KRIT1: variants seen among roughly 807,000 people sequenced by gnomAD.
KRIT1 encodes the protein krev interaction trapped protein 1.
Under a neutral mutation model 95.8 loss-of-function variants are expected in KRIT1, and 45 were observed. The ratio of observed to expected loss-of-function variants is 0.47; its 90% CI spans 0.37 to 0.60. KRIT1 has a LOEUF of 0.60. KRIT1 is among the 20% of genes least tolerant of loss of function. The pLI, the probability that KRIT1 is intolerant of heterozygous loss-of-function variation, is 0.00. For synonymous variants in KRIT1, 282 were observed against 278.8 expected, an observed-to-expected ratio of 1.01 and a Z score of -0.11; for missense variants, 788 against 877.5, an observed-to-expected ratio of 0.90 and a Z score of 1.29.
chr7:92,233,954 A>T (rs1219131354), intron 10 of KRIT1, among the ~76,000 whole-genome samples: 1 of 152,196 alleles, frequency 6.6e-6, no homozygotes, highest in African/African-American at 2.4e-5. Flanking sequence ...CAACACTAGT[A>T]TCTAACATAA....
intron 10 of KRIT1, among the ~76,000 whole-genome samples, chr7:92,227,586 G>A (rs1405883833): frequency 6.6e-6 from 1 of 152,104 alleles, no homozygotes; most frequent in Non-Finnish European, 1.5e-5. Flanking sequence ...CCAGGCTGGA[G>A]TGCAGTGGTG....
At position 92,218,206 on chromosome 7, in the gene KRIT1, C is replaced by T. The variant is rs566485437; in HGVS notation, c.1564-3429G>A. On this transcript the variant is annotated intron_variant, in intron 14 of 18. Coordinates refer to ENST00000394505, the MANE Select transcript of KRIT1 (RefSeq NM_194454.3). ...AGCTAGAACCACAGGTGTGTGCCAC[C>T]ACGCCAGGCTATTAAAAAAAAACAA... is the stretch of plus-strand genomic sequence containing the variant. Among the ~76,000 whole-genome samples the T allele has an allele frequency of 2.6e-5, 4 of 151,966 alleles. No homozygotes were observed. The East Asian group carries it at 7.7e-4, about 29-fold the overall frequency.
At chr7:92,222,401 T>C (rs1795314526) in intron 13 of KRIT1, among the ~76,000 whole-genome samples, 3 of 152,196 alleles carry the variant, frequency 2.0e-5, no homozygotes, top group East Asian at 1.9e-4. Flanking sequence ...TCTTTATGTA[T>C]GTGTAATACT....
At position 92,201,300 on chromosome 7, in the gene KRIT1, T is replaced by C. The variant is rs778346235; in HGVS notation, c.2142+7A>G. On this transcript the variant is annotated splice_region_variant and intron_variant, in intron 18 of 18. Transcript: ENST00000394505. ...AGTTTATGAAGTCCAAAATAAATGA[T>C]ACTTACCTGTTTTGTATGTACTATA... The C allele has an allele frequency of 2.5e-6, 3 of 1,220,718 alleles. No homozygotes were observed. The highest frequency in any genetic ancestry group is 3.0e-5 in the African/African-American group (2 of 67,194). The allele number at this position is 1,220,718 out of a possible 1,614,324, so 75.6% of individuals were successfully genotyped here. A position where few individuals can be genotyped will look rare whatever the true frequency, so the allele number is the denominator to read the frequency against.
At position 92,234,911 on chromosome 7, in the gene KRIT1, C is replaced by A. The variant is rs1447096385; in HGVS notation, c.742G>T (p.Val248Leu). The change falls in exon 9 of 19, where the codon GTA becomes TTA. Residue 248 changes from valine to leucine, a missense_variant. Physicochemically the swap from Val to Leu is conservative, Grantham distance 32. This residue lies in a region of KRIT1 where 493 missense variants were observed against 582.3 expected (regional missense o/e 0.85). Transcript: ENST00000394505. ...LQYTNRVDKV[V>L]INPYFGLGAP... is the part of the protein sequence containing the mutation. The stretch of plus-strand genomic sequence containing the variant: ...CCTAGACCAAAGTATGGATTTATTA[C>A]CACTTTATCTACCTAGAAAGGGAAA... The A allele has an allele frequency of 1.3e-6, 2 of 1,486,348 alleles. No homozygotes were observed. The highest frequency in any genetic ancestry group is 1.4e-5 in the African/African-American group (1 of 72,302). The allele number at this position is 1,486,348 out of a possible 1,614,324, so 92.1% of individuals were successfully genotyped here.
At chr7:92,242,899 C>T (rs1218462758) in intron 3 of KRIT1, among the ~76,000 whole-genome samples, 5 of 152,156 alleles carry the variant, frequency 3.3e-5, no homozygotes, top group Admixed American at 6.5e-5. Context: ...ATGCAACCCT[C>T]GCCTCCCGGG....
intron 10 of KRIT1, among the ~76,000 whole-genome samples, chr7:92,231,167 G>A (rs1797207773): frequency 6.6e-6 from 1 of 152,136 alleles, no homozygotes; most frequent in African/African-American, 2.4e-5. Context: ...ATGTCAGTGA[G>A]ACATTTACTG....
At chr7:92,238,619 C>A (rs1285815161) in intron 5 of KRIT1, among the ~76,000 whole-genome samples, 1 of 152,190 alleles carries the variant, frequency 6.6e-6, no homozygotes, top group Non-Finnish European at 1.5e-5. Context: ...GGCACTATTT[C>A]TTTTGTCTGG....
At chr7:92,210,728 C>G (rs541934428) in intron 17 of KRIT1, among the ~76,000 whole-genome samples, 5 of 152,168 alleles carry the variant, frequency 3.3e-5, no homozygotes, top group Non-Finnish European at 7.3e-5. Flanking sequence ...ACGTAACAAT[C>G]GACAGAGTGA....
intron 10 of KRIT1, among the ~76,000 whole-genome samples, chr7:92,233,409 CTTT>C (rs35291071): frequency 2.1e-5 from 3 of 140,174 alleles, no homozygotes; most frequent in Non-Finnish European, 4.6e-5. Context: ...TAATGTGGTA[CTTT>C]TTTTTTTTTT....
At chr7:92,234,049 A>G (rs112640327) in intron 10 of KRIT1, among the ~76,000 whole-genome samples, 2,125 of 152,360 alleles carry the variant, frequency 0.014, 27 homozygotes, top group Non-Finnish European at 0.022. Flanking sequence ...TTTTATAGCA[A>G]GACGCAAGGT....
intron 11 of KRIT1, among the ~76,000 whole-genome samples, chr7:92,226,120 C>T (rs1177958463): frequency 1.3e-5 from 2 of 151,768 alleles, no homozygotes; most frequent in African/African-American, 4.8e-5. Flanking sequence ...TTATGAATTT[C>T]CTTTATGAAA....
Position 92,222,061 on chromosome 7 carries a change from AC to A in KRIT1, c.1412-9del, listed in dbSNP as rs1795253059. ...ATGGTTTGAGTTGAAGGCCTGAAAA[AC>A]ATCATTCCTTTTATAAATGATAATG... On this transcript the variant is annotated splice_polypyrimidine_tract_variant and intron_variant, in intron 13 of 18. Transcript: ENST00000394505. The A allele has an allele frequency of 6.2e-7, 1 of 1,608,562 alleles. No individual in the cohort carries two copies. Among genetic ancestry groups the A allele is most frequent in the African/African-American group, 1.3e-5 (1 of 74,802 alleles).
intron 17 of KRIT1, among the ~76,000 whole-genome samples, chr7:92,212,642 C>G (rs552813514): frequency 1.3e-5 from 2 of 152,192 alleles, no homozygotes; most frequent in Non-Finnish European, 2.9e-5. Flanking sequence ...CCCGCTAGCA[C>G]GCTGATCTCA....
rs1333399153 is a variant in KRIT1, at chr7:92,213,348, C to T, written c.1872G>A (p.Met624Ile). The T allele has an allele frequency of 6.2e-7, 1 of 1,613,718 alleles. No homozygotes were observed. The highest frequency in any genetic ancestry group is 1.7e-5 in the Admixed American group (1 of 60,008). The change falls in exon 17 of 19, where the codon ATG becomes ATA. Residue 624 changes from methionine (M) to isoleucine (I), a missense_variant. Coordinates refer to ENST00000394505, the MANE Select transcript of KRIT1 (RefSeq NM_194454.3). ...VSKEMHHLQR[M>I]FLQNCWEIPT... ...GAATTTCCCAGCAATTCTGTAAGAA[C>T]ATGCGCTGAAGGTGATGCATTTCTT...
At chr7:92,204,136 C>T (rs1790833712) in intron 17 of KRIT1, 1 of 151,966 alleles carries the variant, frequency 6.6e-6, no homozygotes, top group African/African-American at 2.4e-5. Flanking sequence ...TGGCATATGC[C>T]TGTAGTCCCA....
At chr7:92,213,161 T>C (rs372644483) in intron 17 of KRIT1, 34 bp downstream of exon 17, 3 of 1,423,102 alleles carry the variant, frequency 2.1e-6, no homozygotes, top group South Asian at 1.1e-5. Context: ...AACTATTATA[T>C]GACATGATTG....
In KRIT1 at chr7:92,236,423, C is replaced by T; in HGVS notation, c.475G>A (p.Ala159Thr). ...FATLTARMLI[A>T]LDKWLDERHA... ...AACGGCATTTCTTACTTATCCAAGG[C>T]TATTAACATCCTTGCTGTAAGTGTA... The change falls in exon 7 of 19, where the codon GCC (alanine) becomes ACC (threonine). Residue 159 changes from alanine (A) to threonine (T), a missense_variant. Around this residue, in one of 3 missense-constraint regions of KRIT1, gnomAD observed 289 missense variants for 277.5 expected, o/e 1.04. Coordinates refer to ENST00000394505, the MANE Select transcript of KRIT1 (RefSeq NM_194454.3). The T allele has an allele frequency of 6.3e-7, 1 of 1,599,322 alleles. No individual in the cohort carries two copies. The highest frequency in any genetic ancestry group is 8.6e-7 in the Non-Finnish European group (1 of 1,167,158).
At position 92,234,982 on chromosome 7, in the gene KRIT1, A is replaced by G. The variant is rs1798095675; in HGVS notation, c.730-59T>C. 11 of 824,964 alleles carry G rather than the reference A, an allele frequency of 1.3e-5. No homozygotes were observed. In the South Asian group the frequency reaches 1.5e-4, roughly 11 times the overall value. The allele number at this position is 824,964 out of a possible 1,614,324, so 51.1% of individuals were successfully genotyped here. A position where few individuals can be genotyped will look rare whatever the true frequency, so the allele number is the denominator to read the frequency against. On this transcript the variant is annotated intron_variant, in intron 8 of 18. Transcript: ENST00000394505. ...AGAGCTTTGTCATCTTAATGTTTACATGTTTATATTTTAAATTTTTACTTA... is the reference window on the plus strand; with the variant it reads ...AGAGCTTTGTCATCTTAATGTTTACGTGTTTATATTTTAAATTTTTACTTA...
Sources: gnomAD v4.1 joint callset for allele counts (sites outside exome capture counted in the v4.1 genomes callset) on GRCh38, gnomAD v4.1.1 for gene constraint, gnomAD v4.1.1 regional missense constraint, MANE v1.5 for transcripts, NCBI Gene and HGNC (gene_info 2026-07-23, HGNC 2026-07-21) for gene names.